The following ERCC1 variants were observed in gnomAD, a reference collection of about 807,000 sequenced individuals.
The protein encoded by ERCC1 is DNA excision repair protein ERCC-1.
ERCC1 carries 36 observed loss-of-function variants against 37.6 expected under a neutral mutation model. The ratio of observed to expected loss-of-function variants is 0.96; its 90% CI spans 0.73 to 1.26. The LOEUF (loss-of-function observed/expected upper bound fraction) is 1.26. Ranked by LOEUF, ERCC1 falls within the 50% of genes most tolerant of loss-of-function variation. ERCC1 has a pLI of 0.00. For missense variants in ERCC1, 349 were observed against 376.5 expected (o/e 0.93, Z 0.60); for synonymous variants, 156 against 162.1 (o/e 0.96, Z 0.28).
chr19:45,447,270 C>CTTTT (rs57063523), intron 1 of ERCC1, among the ~76,000 whole-genome samples: 17 of 102,726 alleles, frequency 1.7e-4, no homozygotes, highest in East Asian at 2.8e-4. Flanking sequence ...AGATTTGCTT[C>CTTTT]TTTTTTTTTT....
At position 45,416,638 on chromosome 19, in the gene ERCC1, A is replaced by C. The variant is rs1246254015; in HGVS notation, c.602+183T>G. The C allele has an allele frequency of 1.1e-4, 9 of 84,372 alleles. No homozygotes were observed. The East Asian group carries it at 4.1e-3, about 38-fold the overall frequency. The allele number at this position is 84,372 out of a possible 1,614,324, so 5.2% of individuals were successfully genotyped here. On this transcript the variant is annotated intron_variant, in intron 6 of 9. Coordinates refer to ENST00000300853, the MANE Select transcript of ERCC1 (RefSeq NM_001983.4). ...AGGGGACAGAGTGAGGCTCTGTATC[A>C]AAAAAAAAAAAAAAAAAATTAAGAC...
intron 1 of ERCC1, among the ~76,000 whole-genome samples, chr19:45,433,353 C>A (rs905931209): frequency 1.3e-5 from 2 of 152,096 alleles, no homozygotes; most frequent in Non-Finnish European, 2.9e-5. Flanking sequence ...TGGTGAAACC[C>A]CGTCTCTACT....
chr19:45,447,708 CTT>C (rs1966992182), intron 1 of ERCC1, among the ~76,000 whole-genome samples: 1 of 152,108 alleles, frequency 6.6e-6, no homozygotes, highest in African/African-American at 2.4e-5. Flanking sequence ...CAGAATGACT[CTT>C]GTCCCTGGCT....
intron 2 of ERCC1, among the ~76,000 whole-genome samples, 169 bp from the exon 3 acceptor site, chr19:45,421,562 C>A (rs530269304): frequency 1.1e-4 from 16 of 151,896 alleles, no homozygotes; most frequent in Admixed American, 1.1e-3. Flanking sequence ...CTCCACCTCC[C>A]GGGTTCAAGC....
chr19:45,440,875 A>G (rs771684182), intron 1 of ERCC1, among the ~76,000 whole-genome samples: 8 of 152,128 alleles, frequency 5.3e-5, no homozygotes, highest in Non-Finnish European at 8.8e-5. Context: ...CTGGGACTAC[A>G]GGTGTGCACC....
intron 1 of ERCC1, chr19:45,436,593 TCCAG>T (rs1007701731): frequency 3.9e-5 from 6 of 152,434 alleles, no homozygotes; most frequent in African/African-American, 1.2e-4. Flanking sequence ...GCCACTGCAC[TCCAG>T]CCTGGGTGAC....
intron 1 of ERCC1, among the ~76,000 whole-genome samples, chr19:45,442,619 C>T (rs1025752741): frequency 6.6e-6 from 1 of 152,008 alleles, no homozygotes; most frequent in Non-Finnish European, 1.5e-5. Flanking sequence ...TTTGAGGGCC[C>T]GGTTCTGAAG....
intron 1 of ERCC1, among the ~76,000 whole-genome samples, chr19:45,448,698 T>C (rs1196700733): frequency 6.6e-6 from 1 of 151,840 alleles, no homozygotes; most frequent in African/African-American, 2.4e-5. Context: ...AAAAAAAGTT[T>C]TTATTAATTT....
rs773122925 is a variant in ERCC1 at position 45,420,300 on chromosome 19, C to A, written c.425+24G>T. ...GCCAGTGGGGTGCCCTTCCTGAAGT[C>A]TGGGGTGGCGCCGCAGAGCTCACCT... On this transcript the variant is annotated intron_variant, in intron 4 of 9. Coordinates refer to ENST00000300853, the MANE Select transcript of ERCC1 (RefSeq NM_001983.4). The surrounding 1 kb of genome is among the most constrained non-coding windows in gnomAD (Gnocchi z 4.8). 6.6e-7 allele frequency: 1 copy of A among 1,524,846 alleles called. No homozygotes were observed. Among genetic ancestry groups the A allele is most frequent in the South Asian group, 1.1e-5 (1 of 87,624 alleles). The allele number at this position is 1,524,846 out of a possible 1,614,324, so 94.5% of individuals were successfully genotyped here.
rs566490787 is a variant in ERCC1, at chr19:45,412,053, G to T, written c.843+1624C>A. Among the ~76,000 whole-genome samples the T allele has an allele frequency of 9.6e-4, 146 of 151,584 alleles. 1 individual carries two copies. Among genetic ancestry groups the T allele is most frequent in the South Asian group, 3.3e-3 (16 of 4,796 alleles). ...TTTTTGTATTTTTAGTAGAGACGGGGTTTCACCATGTTAGCCATGATGGTC... is the reference window on the plus strand; with the variant it reads ...TTTTTGTATTTTTAGTAGAGACGGGTTTTCACCATGTTAGCCATGATGGTC... On this transcript the variant is annotated intron_variant, in intron 9 of 9. Coordinates refer to ENST00000300853, the MANE Select transcript of ERCC1 (RefSeq NM_001983.4).
intron 9 of ERCC1, chr19:45,413,402 G>A: frequency 3.2e-6 from 2 of 632,424 alleles, no homozygotes; most frequent in Non-Finnish European, 5.5e-6. Context: ...CAGTAGCTGA[G>A]ACTACAGGCA....
In ERCC1 at chr19:45,409,240, G is replaced by T; in HGVS notation, c.*435C>A. ...CAGCTCCCACATCCACCAAGAAGAA[G>T]AAGAAGAAGAAAGAGAGAGGTCACA... On this transcript the variant is annotated 3_prime_UTR_variant, in exon 10 of 10. Transcript: ENST00000300853. 6.2e-7 allele frequency: 1 copy of T among 1,611,622 alleles called. No individual in the cohort carries two copies. Among genetic ancestry groups the T allele is most frequent in the Non-Finnish European group, 8.5e-7 (1 of 1,178,078 alleles).
At chr19:45,444,479 G>A (rs1975209109) in intron 1 of ERCC1, among the ~76,000 whole-genome samples, 1 of 152,138 alleles carries the variant, frequency 6.6e-6, no homozygotes, top group African/African-American at 2.4e-5. Flanking sequence ...CGCCAGATGA[G>A]GCTGGGCGGT....
intron 1 of ERCC1, 117 bp from the exon 2 acceptor site, chr19:45,423,498 G>C (rs1314995000): frequency 1.3e-6 from 2 of 1,497,316 alleles, no homozygotes; most frequent in Admixed American, 4.2e-5. Flanking sequence ...CATAGCGTCA[G>C]GTCCCCAACA....
intron 2 of ERCC1, among the ~76,000 whole-genome samples, chr19:45,422,178 T>C (rs1974477763): frequency 6.6e-6 from 1 of 152,042 alleles, no homozygotes; most frequent in South Asian, 2.1e-4. Context: ...TCAGAGCTGG[T>C]GGGTGGCTCC....
At position 45,438,429 on chromosome 19, in the gene ERCC1, A is replaced by G. The variant is rs149486615; in HGVS notation, c.-7-15048T>C. Among the ~76,000 whole-genome samples, 323 of 152,040 alleles carry G rather than the reference A, an allele frequency of 2.1e-3. 1 individual carries two copies. The highest frequency in any genetic ancestry group is 7.4e-3 in the African/African-American group (307 of 41,486). ...CCAGAAGTGGGATTGCTGGATCCAT[A>G]TGTGTAATTTTATTTTTTATGTGTT... is the stretch of plus-strand genomic sequence containing the variant. On this transcript the variant is annotated intron_variant, in intron 1 of 8. Coordinates refer to the ERCC1 transcript ENST00000423698.
chr19:45,448,795 G>A (rs1436476916), intron 1 of ERCC1, among the ~76,000 whole-genome samples: 10 of 151,802 alleles, frequency 6.6e-5, no homozygotes, highest in South Asian at 6.3e-4. Context: ...CCCCCACCCC[G>A]CCCCAGGAGA....
At chr19:45,449,124 G>C (rs928378738) in intron 1 of ERCC1, 1 of 152,214 alleles carries the variant, frequency 6.6e-6, no homozygotes, top group Non-Finnish European at 1.5e-5. Context: ...AAGGGATCAT[G>C]CATTTCACTG....
intron 1 of ERCC1, among the ~76,000 whole-genome samples, chr19:45,447,344 A>G (rs56098290): frequency 1.2e-4 from 17 of 136,356 alleles, no homozygotes; most frequent in Non-Finnish European, 2.3e-4. Flanking sequence ...GGCGGGATCT[A>G]GGCTCACTGC....
Sources: allele counts gnomAD v4.1 joint callset (sites outside exome capture counted in the v4.1 genomes callset), GRCh38; gene constraint gnomAD v4.1.1; non-coding constraint Gnocchi (gnomAD v3.1); transcripts MANE v1.5; gene names NCBI Gene and HGNC (gene_info 2026-07-23, HGNC 2026-07-21).